The following NEGR1 variants were observed in gnomAD, a reference collection of about 807,000 sequenced individuals.
NEGR1 encodes IgLON family member 4.
In NEGR1, 10 loss-of-function variants were observed where a neutral mutation model predicts 40.9. The observed-to-expected ratio is 0.24, with a 90% CI of 0.15 to 0.42. The LOEUF (loss-of-function observed/expected upper bound fraction) is 0.42. Among genes scored for constraint, NEGR1 ranks in the 10% least tolerant of loss-of-function variants. The pLI is 1.00. For missense variants in NEGR1, 352 were observed against 438.9 expected (o/e 0.80, Z 1.77); for synonymous variants, 185 against 166.8 (o/e 1.11, Z -0.84).
intron 2 of NEGR1, among the ~76,000 whole-genome samples, chr1:71,911,892 T>C (rs747901247): frequency 1.9e-4 from 29 of 152,164 alleles, no homozygotes; most frequent in Non-Finnish European, 3.5e-4. Context: ...TACAAGAGTC[T>C]ACCACCACAC....
chr1:72,176,539 A>G (rs1183112249), intron 1 of NEGR1, among the ~76,000 whole-genome samples: 4 of 152,098 alleles, frequency 2.6e-5, no homozygotes, highest in Non-Finnish European at 2.9e-5. Context: ...TGTCACACTC[A>G]CTGATCTAAT....
chr1:71,887,103 A>G (rs1346221721), intron 2 of NEGR1, among the ~76,000 whole-genome samples: 1 of 152,262 alleles, frequency 6.6e-6, no homozygotes, highest in Admixed American at 6.5e-5. Context: ...TATTCTTACA[A>G]TAAAGTAAGC....
chr1:71,887,222 C>T (rs917403942), intron 2 of NEGR1, among the ~76,000 whole-genome samples: 3 of 152,004 alleles, frequency 2.0e-5, no homozygotes, highest in Admixed American at 6.6e-5. Context: ...GTCATCTTGA[C>T]GTTGAGTAGG....
chr1:71,641,079 A>C (rs943462270), intron 4 of NEGR1, among the ~76,000 whole-genome samples: 19 of 152,230 alleles, frequency 1.2e-4, no homozygotes, highest in Admixed American at 7.2e-4. Context: ...CCACTAACTC[A>C]GACCATGTTT....
chr1:72,072,143 A>G (rs1647490736), intron 1 of NEGR1, among the ~76,000 whole-genome samples: 1 of 152,108 alleles, frequency 6.6e-6, no homozygotes, highest in Non-Finnish European at 1.5e-5. Flanking sequence ...TGATCTCCTT[A>G]GTTATAAGGA....
At chr1:72,236,904 A>C (rs2100507462) in intron 1 of NEGR1, among the ~76,000 whole-genome samples, 1 of 152,142 alleles carries the variant, frequency 6.6e-6, no homozygotes, top group South Asian at 2.1e-4. Flanking sequence ...ACCAGGGTTA[A>C]AATATTTTGC....
At chr1:71,863,745 A>G (rs1307618398) in intron 2 of NEGR1, among the ~76,000 whole-genome samples, 2 of 152,174 alleles carry the variant, frequency 1.3e-5, no homozygotes, top group East Asian at 3.9e-4. Flanking sequence ...ATTTGGGAAT[A>G]GACAGTACTA....
intron 1 of NEGR1, among the ~76,000 whole-genome samples, chr1:72,016,102 T>C (rs561380539): frequency 1.3e-5 from 2 of 151,670 alleles, no homozygotes; most frequent in East Asian, 3.9e-4. Context: ...TTTAACTTAA[T>C]TTTTTTTTGT....
At chr1:72,030,259 A>G (rs927788908) in intron 1 of NEGR1, among the ~76,000 whole-genome samples, 2 of 151,604 alleles carry the variant, frequency 1.3e-5, no homozygotes, top group Admixed American at 6.6e-5. Flanking sequence ...CCGTGGTGCA[A>G]TCTTGGCTCA....
chr1:71,690,631 G>GAGAGAA (rs1256392584), intron 4 of NEGR1, among the ~76,000 whole-genome samples: 1 of 133,068 alleles, frequency 7.5e-6, no homozygotes, highest in African/African-American at 3.0e-5. Flanking sequence ...GAGAGAGAGA[G>GAGAGAA]AGAGAGAGAG....
At chr1:71,927,880 C>G (rs1207499028) in intron 2 of NEGR1, among the ~76,000 whole-genome samples, 1 of 136,304 alleles carries the variant, frequency 7.3e-6, no homozygotes, top group Non-Finnish European at 1.5e-5. Flanking sequence ...CACCTGTAGT[C>G]CCAGTTACAT....
intron 3 of NEGR1, among the ~76,000 whole-genome samples, chr1:71,730,226 A>G (rs1202605476): frequency 1.3e-5 from 2 of 152,080 alleles, no homozygotes; most frequent in Admixed American, 6.5e-5. Flanking sequence ...AGATAAGTAG[A>G]TGGTAAAAAT....
chr1:72,020,263 A>T (rs1245622580), intron 1 of NEGR1, among the ~76,000 whole-genome samples: 1 of 152,152 alleles, frequency 6.6e-6, no homozygotes, highest in Admixed American at 6.5e-5. Context: ...GTAAATCCTG[A>T]ACACTTGCTT....
intron 6 of NEGR1, among the ~76,000 whole-genome samples, chr1:71,455,450 G>A (rs928937273): frequency 2.6e-5 from 4 of 152,220 alleles, no homozygotes; most frequent in African/African-American, 4.8e-5. Flanking sequence ...TGACTGGCCA[G>A]GCACAGTGGC....
chr1:71,536,968 A>C (rs1647533258), intron 6 of NEGR1, among the ~76,000 whole-genome samples: 1 of 151,736 alleles, frequency 6.6e-6, no homozygotes, highest in Non-Finnish European at 1.5e-5. Flanking sequence ...ACTAGAGCCA[A>C]TAAATCTACT....
At chr1:71,502,893 C>G (rs1402701472) in intron 6 of NEGR1, among the ~76,000 whole-genome samples, 1 of 152,064 alleles carries the variant, frequency 6.6e-6, no homozygotes, top group African/African-American at 2.4e-5. Context: ...AGGGAAATGG[C>G]CAGAGACAGA....
chr1:72,228,412 G>C (rs567298882), intron 1 of NEGR1, among the ~76,000 whole-genome samples: 1 of 152,030 alleles, frequency 6.6e-6, no homozygotes, highest in South Asian at 2.1e-4. Flanking sequence ...ATCTCCCCTG[G>C]TTTTCACACC....
chr1:71,781,888 T>C (rs962742716), intron 2 of NEGR1, among the ~76,000 whole-genome samples: 5 of 152,222 alleles, frequency 3.3e-5, no homozygotes, highest in Non-Finnish European at 5.9e-5. Context: ...AACTCTTTGA[T>C]GTCCTCTTTG....
At chr1:71,938,084 A>T (rs1276969787) in intron 1 of NEGR1, among the ~76,000 whole-genome samples, 1 of 152,058 alleles carries the variant, frequency 6.6e-6, no homozygotes, top group Non-Finnish European at 1.5e-5. Context: ...AGTGTTCCCA[A>T]CTCAAAGTTT....
Sources: allele counts gnomAD v4.1 joint callset (sites outside exome capture counted in the v4.1 genomes callset), GRCh38; gene constraint gnomAD v4.1.1; transcripts MANE v1.5; gene names NCBI Gene and HGNC (gene_info 2026-07-23, HGNC 2026-07-21).